The following PTPRD variants were observed in gnomAD, a reference collection of about 807,000 sequenced individuals.
The protein encoded by PTPRD is receptor-type tyrosine-protein phosphatase delta.
Under a neutral mutation model 214.5 loss-of-function variants are expected in PTPRD, and 34 were observed. The ratio of observed to expected loss-of-function variants is 0.16; its 90% CI spans 0.12 to 0.21. The LOEUF is 0.21. Among genes scored for constraint, PTPRD ranks in the 10% least tolerant of loss-of-function variants. The pLI is 1.00. For missense variants in PTPRD, 2,545 were observed against 2,398.7 expected (o/e 1.06, Z -1.27); for synonymous variants, 1,128 against 845.7 (o/e 1.33, Z -5.79).
chr9:10,379,412 A>G (rs914762566), intron 2 of PTPRD, among the ~76,000 whole-genome samples: 6 of 151,998 alleles, frequency 3.9e-5, no homozygotes, highest in Middle Eastern at 3.4e-3. Flanking sequence ...TTGAGTAACA[A>G]TGGTAAAAGT....
rs545756848 is a variant in PTPRD at position 9,429,217 on chromosome 9, A to G, written c.-236-31735T>C. On this transcript the variant is annotated intron_variant, in intron 8 of 45. Coordinates refer to ENST00000381196, the MANE Select transcript of PTPRD (RefSeq NM_002839.4). ...AGAACAATAAAAAATGACAAAGGGG[A>G]TATCACCACTGATCCCGTAGAGATA... is the stretch of plus-strand genomic sequence containing the variant. Among the ~76,000 whole-genome samples the G allele has an allele frequency of 1.1e-3, 160 of 152,340 alleles. 1 individual carries two copies. The highest frequency in any genetic ancestry group is 3.7e-3 in the African/African-American group (153 of 41,576).
At chr9:9,466,612 T>C (rs1470500858) in intron 8 of PTPRD, among the ~76,000 whole-genome samples, 1 of 152,204 alleles carries the variant, frequency 6.6e-6, no homozygotes, top group Non-Finnish European at 1.5e-5. Context: ...GCCTTCCCCA[T>C]TTCTCCTTGA....
chr9:10,531,099 G>C (rs528585317), intron 2 of PTPRD, among the ~76,000 whole-genome samples: 27 of 152,078 alleles, frequency 1.8e-4, no homozygotes, highest in African/African-American at 6.5e-4. Context: ...GCAGGTGCAA[G>C]CCACCACGCC....
At chr9:10,009,989 T>C (rs1162811874) in intron 4 of PTPRD, among the ~76,000 whole-genome samples, 1 of 151,888 alleles carries the variant, frequency 6.6e-6, no homozygotes, top group East Asian at 1.9e-4. Context: ...ATGGCCTGAA[T>C]TAGCTTTTCA....
intron 7 of PTPRD, among the ~76,000 whole-genome samples, chr9:9,701,771 G>C (rs1294512675): frequency 2.0e-5 from 3 of 152,160 alleles, no homozygotes; most frequent in African/African-American, 7.2e-5. Context: ...GTCTACACGA[G>C]AGTTTCAGAG....
intron 2 of PTPRD, among the ~76,000 whole-genome samples, chr9:10,433,239 T>G (rs1258061461): frequency 1.3e-5 from 2 of 151,990 alleles, no homozygotes; most frequent in Non-Finnish European, 1.5e-5. Flanking sequence ...AATATAAGTT[T>G]ATATACACAC....
intron 3 of PTPRD, among the ~76,000 whole-genome samples, chr9:10,130,491 T>A (rs1347256856): frequency 6.6e-6 from 1 of 152,108 alleles, no homozygotes; most frequent in Non-Finnish European, 1.5e-5. Context: ...AACTGTGGGT[T>A]TTTTGAGGTC....
intron 9 of PTPRD, among the ~76,000 whole-genome samples, chr9:9,381,694 GTT>G (rs1447019914): frequency 2.3e-4 from 32 of 137,994 alleles, no homozygotes; most frequent in African/African-American, 7.6e-4. Context: ...TTGTTGTTTT[GTT>G]TTTTGTTTTT....
At chr9:9,254,436 T>C (rs773168706) in intron 9 of PTPRD, among the ~76,000 whole-genome samples, 4 of 152,114 alleles carry the variant, frequency 2.6e-5, no homozygotes, top group Non-Finnish European at 5.9e-5. Flanking sequence ...GTTAGCTTTT[T>C]TGGTTAGCTA....
At chr9:10,079,625 A>C (rs1391829548) in intron 3 of PTPRD, among the ~76,000 whole-genome samples, 1 of 152,102 alleles carries the variant, frequency 6.6e-6, no homozygotes, top group Non-Finnish European at 1.5e-5. Context: ...TAAATATGGT[A>C]CCTTGAAACT....
At chr9:10,423,078 G>T (rs1485767627) in intron 2 of PTPRD, among the ~76,000 whole-genome samples, 1 of 152,040 alleles carries the variant, frequency 6.6e-6, no homozygotes, top group Non-Finnish European at 1.5e-5. Flanking sequence ...ATGATAGACT[G>T]GATTAAGAAA....
intron 10 of PTPRD, among the ~76,000 whole-genome samples, chr9:9,179,891 G>A (rs2131362030): frequency 6.6e-6 from 1 of 152,086 alleles, no homozygotes; most frequent in South Asian, 2.1e-4. Context: ...ACAGACCTCA[G>A]GTTTTCTGTG....
intron 5 of PTPRD, among the ~76,000 whole-genome samples, chr9:9,858,917 G>A (rs569544764): frequency 6.6e-6 from 1 of 152,222 alleles, no homozygotes; most frequent in South Asian, 2.1e-4. Flanking sequence ...CTTTGCCCAA[G>A]AACAGGCATC....
chr9:10,275,092 G>A (rs781033666), intron 3 of PTPRD, among the ~76,000 whole-genome samples: 1 of 152,158 alleles, frequency 6.6e-6, no homozygotes, highest in Non-Finnish European at 1.5e-5. Context: ...GTATGTTTGT[G>A]CAAACTCTTG....
intron 9 of PTPRD, among the ~76,000 whole-genome samples, chr9:9,307,919 T>G (rs1386652202): frequency 1.3e-5 from 2 of 152,154 alleles, no homozygotes; most frequent in Non-Finnish European, 2.9e-5. Flanking sequence ...TTTGCCTATG[T>G]TCTCCCCTTA....
intron 6 of PTPRD, among the ~76,000 whole-genome samples, chr9:9,755,450 G>C (rs941113609): frequency 3.3e-5 from 5 of 152,032 alleles, no homozygotes; most frequent in African/African-American, 1.2e-4. Context: ...ATAAGGCAGA[G>C]CTCCTCAAAC....
At chr9:9,802,547 A>T (rs1464524512) in intron 5 of PTPRD, among the ~76,000 whole-genome samples, 1 of 151,900 alleles carries the variant, frequency 6.6e-6, no homozygotes, top group Non-Finnish European at 1.5e-5. Context: ...GGCTCTATAG[A>T]CTAGGGAACT....
At chr9:8,650,675 C>T (rs1300213131) in intron 12 of PTPRD, among the ~76,000 whole-genome samples, 1 of 152,050 alleles carries the variant, frequency 6.6e-6, no homozygotes, top group African/African-American at 2.4e-5. Context: ...AAATGCCCAG[C>T]ATTATTCACA....
chr9:8,740,567 C>G (rs1050840418), intron 11 of PTPRD, among the ~76,000 whole-genome samples: 2 of 152,110 alleles, frequency 1.3e-5, no homozygotes, highest in Non-Finnish European at 2.9e-5. Context: ...TTTAATAAAA[C>G]TATGAAAAAC....
Sources: allele counts gnomAD v4.1 joint callset (sites outside exome capture counted in the v4.1 genomes callset), GRCh38; gene constraint gnomAD v4.1.1; transcripts MANE v1.5; gene names NCBI Gene and HGNC (gene_info 2026-07-23, HGNC 2026-07-21).